Variants in SPOCK1 observed in about 807,000 individuals in gnomAD.
The protein encoded by SPOCK1 is SPARC (osteonectin), cwcv and kazal like domains proteoglycan 1, also known as testican-1.
In SPOCK1, 23 loss-of-function variants were observed where a neutral mutation model predicts 55.3. The ratio of observed to expected loss-of-function variants is 0.42; its 90% CI spans 0.30 to 0.59. The LOEUF (loss-of-function observed/expected upper bound fraction) is 0.59, where lower values mean the gene tolerates loss of function less well. Ranked by LOEUF, SPOCK1 falls within the 20% of genes least tolerant of loss-of-function variation. The pLI is 0.22. For synonymous variants in SPOCK1, 226 were observed against 221.0 expected, an observed-to-expected ratio of 1.02 and a Z score of -0.20; for missense variants, 499 against 552.5, an observed-to-expected ratio of 0.90 and a Z score of 0.97.
rs141440148 is a variant in SPOCK1 at position 137,335,549 on chromosome 5, A to G, written c.187-68494T>C. On this transcript the variant is annotated intron_variant, in intron 2 of 10. Coordinates refer to ENST00000394945, the MANE Select transcript of SPOCK1 (RefSeq NM_004598.4). ...ATAATTGGCCAAGAGTACATAACTG[A>G]AGAGTTAATAGCCAAGTTTGAGACG... Among the ~76,000 whole-genome samples, 978 of 152,360 alleles carry G rather than the reference A, an allele frequency of 6.4e-3. 17 individuals carry two copies. Among genetic ancestry groups the G allele is most frequent in the African/African-American group, 0.023 (938 of 41,582 alleles).
chr5:137,354,706 G>C (rs1292429157), intron 2 of SPOCK1, among the ~76,000 whole-genome samples: 1 of 152,178 alleles, frequency 6.6e-6, no homozygotes, highest in Non-Finnish European at 1.5e-5. Context: ...TTTGTTGACT[G>C]TTTTGTGTCT....
At chr5:137,431,508 C>T (rs1273243822) in intron 2 of SPOCK1, among the ~76,000 whole-genome samples, 1 of 152,204 alleles carries the variant, frequency 6.6e-6, no homozygotes, top group Non-Finnish European at 1.5e-5. Flanking sequence ...CCCACCAAAA[C>T]TCATGTCTAA....
intron 3 of SPOCK1, among the ~76,000 whole-genome samples, chr5:137,213,555 G>T (rs1292836044): frequency 6.6e-6 from 1 of 152,104 alleles, no homozygotes; most frequent in Non-Finnish European, 1.5e-5. Flanking sequence ...CAAGGCCAGG[G>T]TCTACCTCTA....
chr5:137,391,028 G>A (rs1050522749), intron 2 of SPOCK1, among the ~76,000 whole-genome samples: 1 of 152,092 alleles, frequency 6.6e-6, no homozygotes, highest in Non-Finnish European at 1.5e-5. Context: ...GCATGCATTA[G>A]GTATTTGTCC....
intron 2 of SPOCK1, among the ~76,000 whole-genome samples, chr5:137,325,135 C>T (rs981334735): frequency 8.5e-5 from 13 of 152,124 alleles, no homozygotes; most frequent in African/African-American, 3.1e-4. Flanking sequence ...GGATGGGGGA[C>T]AACTGGGCTA....
intron 2 of SPOCK1, among the ~76,000 whole-genome samples, chr5:137,349,428 T>C (rs147298587): frequency 6.8e-4 from 103 of 152,270 alleles, no homozygotes; most frequent in African/African-American, 2.5e-3. Flanking sequence ...AGTGGAGAAA[T>C]TGGGGAATGA....
intron 2 of SPOCK1, among the ~76,000 whole-genome samples, chr5:137,441,578 T>C (rs1226740329): frequency 6.6e-6 from 1 of 152,104 alleles, no homozygotes; most frequent in Non-Finnish European, 1.5e-5. Context: ...AGGAAGGGAA[T>C]GGAAAAGTGG....
intron 2 of SPOCK1, among the ~76,000 whole-genome samples, chr5:137,355,991 C>G (rs1388145527): frequency 6.6e-6 from 1 of 152,198 alleles, no homozygotes; most frequent in Non-Finnish European, 1.5e-5. Context: ...CTCAGTTCTT[C>G]CAGCCGTCAC....
rs369577026 is a variant in SPOCK1 at position 136,985,189 on chromosome 5, C to G, written c.942G>C (p.Gln314His). The change falls in exon 9 of 11, where the codon CAG (glutamine) becomes CAC (histidine). Residue 314 changes from glutamine to histidine, a missense_variant. Around this residue, in one of 3 missense-constraint regions of SPOCK1, gnomAD observed 386 missense variants for 400.6 expected, o/e 0.96. Transcript: ENST00000394945. ...CFQKPGGLPCQNEMNRIQKLS... is the reference protein window; with the variant it reads ...CFQKPGGLPCHNEMNRIQKLS... The stretch of plus-strand genomic sequence containing the variant: ...GCTTCTGAATTCTGTTCATTTCATT[C>G]TGGCAAGGGAGACCTAAAAAATAAT... 56 of 1,614,016 alleles carry G rather than the reference C, an allele frequency of 3.5e-5. No individual in the cohort carries two copies. Among genetic ancestry groups the G allele is most frequent in the Non-Finnish European group, 4.5e-5 (53 of 1,179,982 alleles).
Position 137,068,606 on chromosome 5 carries a change from T to C in SPOCK1, c.475-777A>G, listed in dbSNP as rs375319292. 1.5e-4 allele frequency among the ~76,000 whole-genome samples: 23 copies of C among 152,352 alleles called. No homozygotes were observed. The South Asian group carries it at 4.8e-3, about 32-fold the overall frequency. On this transcript the variant is annotated intron_variant, in intron 5 of 10. Coordinates refer to ENST00000394945, the MANE Select transcript of SPOCK1 (RefSeq NM_004598.4). Reference sequence around the variant, plus strand: ...AGGCAGGAGAGAGGAATGTTATTAATAGGTGCAAAAGACCACAACAATTAT... The same window carrying C: ...AGGCAGGAGAGAGGAATGTTATTAACAGGTGCAAAAGACCACAACAATTAT...
At chr5:137,027,744 G>C (rs1343152701) in intron 6 of SPOCK1, among the ~76,000 whole-genome samples, 2 of 152,108 alleles carry the variant, frequency 1.3e-5, no homozygotes, top group African/African-American at 4.8e-5. Context: ...TCAGCAGTCA[G>C]TATGGCTGTA....
At position 137,104,457 on chromosome 5, in the gene SPOCK1, A is replaced by C. The variant is rs569644629; in HGVS notation, c.474+7978T>G. ...AGCAGTGAGATAATGGACTAATACA[A>C]ACAAAATCAAAATAATAAAATCTAC... On this transcript the variant is annotated intron_variant, in intron 5 of 10. Coordinates refer to ENST00000394945, the MANE Select transcript of SPOCK1 (RefSeq NM_004598.4). Among the ~76,000 whole-genome samples, 4 of 152,282 alleles carry C rather than the reference A, an allele frequency of 2.6e-5. No homozygotes were observed. The South Asian group carries it at 8.3e-4, about 32-fold the overall frequency.
At chr5:137,431,097 C>T (rs193082918) in intron 2 of SPOCK1, among the ~76,000 whole-genome samples, 9 of 152,312 alleles carry the variant, frequency 5.9e-5, no homozygotes, top group Admixed American at 2.6e-4. Flanking sequence ...GGGAGCCATA[C>T]GGGAAAGACC....
chr5:137,288,155 C>T (rs912664219), intron 2 of SPOCK1, among the ~76,000 whole-genome samples: 16 of 152,202 alleles, frequency 1.1e-4, no homozygotes, highest in African/African-American at 3.9e-4. Flanking sequence ...TCCTCAGCTT[C>T]TGTGTGATTT....
intron 2 of SPOCK1, among the ~76,000 whole-genome samples, chr5:137,380,164 C>A (rs2127174653): frequency 6.6e-6 from 1 of 152,312 alleles, no homozygotes; most frequent in East Asian, 1.9e-4. Context: ...TATCTGCCTG[C>A]CACCAAAAGG....
chr5:137,477,367 G>A (rs1405518372), intron 2 of SPOCK1, among the ~76,000 whole-genome samples: 1 of 151,996 alleles, frequency 6.6e-6, no homozygotes, highest in Admixed American at 6.6e-5. Context: ...TTTTTTGTTT[G>A]TGTTTTTTTT....
chr5:137,339,701 G>A (rs966749793), intron 2 of SPOCK1, among the ~76,000 whole-genome samples: 2 of 152,048 alleles, frequency 1.3e-5, no homozygotes, highest in African/African-American at 4.8e-5. Flanking sequence ...ACATAGCAAG[G>A]GTGTTCATGG....
intron 4 of SPOCK1, among the ~76,000 whole-genome samples, chr5:137,112,905 A>C (rs1309230158): frequency 6.6e-6 from 1 of 151,822 alleles, no homozygotes; most frequent in Non-Finnish European, 1.5e-5. Flanking sequence ...CGTATGTGGC[A>C]TATCACGGGT....
chr5:137,050,646 C>T (rs996101870), intron 6 of SPOCK1, among the ~76,000 whole-genome samples: 8 of 152,084 alleles, frequency 5.3e-5, no homozygotes, highest in South Asian at 2.1e-4. Flanking sequence ...TGTTCCTATT[C>T]GGCCATCTTG....
Sources: gnomAD v4.1 joint callset for allele counts (sites outside exome capture counted in the v4.1 genomes callset) on GRCh38, gnomAD v4.1.1 for gene constraint, gnomAD v4.1.1 regional missense constraint, MANE v1.5 for transcripts, NCBI Gene and HGNC (gene_info 2026-07-23, HGNC 2026-07-21) for gene names.